NRXN3: variants seen among roughly 807,000 people sequenced by gnomAD.
NRXN3 encodes neurexin 3.
A neutral mutation model predicts 137.6 loss-of-function variants in NRXN3; 32 were observed. The ratio of observed to expected loss-of-function variants is 0.23; its 90% CI spans 0.18 to 0.31. The LOEUF (loss-of-function observed/expected upper bound fraction) is 0.31, where lower values mean the gene tolerates loss of function less well. Among genes scored for constraint, NRXN3 ranks in the 10% least tolerant of loss-of-function variants. The pLI, the probability that NRXN3 is intolerant of heterozygous loss-of-function variation, is 1.00. For missense variants in NRXN3, 1,574 were observed against 2,062.5 expected (o/e 0.76, Z 4.59); for synonymous variants, 798 against 784.5 (o/e 1.02, Z -0.29).
At chr14:79,769,038 A>G (rs1233546161) in intron 19 of NRXN3, among the ~76,000 whole-genome samples, 1 of 152,088 alleles carries the variant, frequency 6.6e-6, no homozygotes, top group African/African-American at 2.4e-5. Context: ...GGAAGATGAA[A>G]TGAATGAAAT....
chr14:78,632,299 G>C (rs563487223), intron 4 of NRXN3, among the ~76,000 whole-genome samples: 1 of 152,000 alleles, frequency 6.6e-6, no homozygotes, highest in Non-Finnish European at 1.5e-5. Flanking sequence ...ATCTAGCCTT[G>C]TTGAGCAGAT....
chr14:78,875,726 T>C (rs2099112497), intron 10 of NRXN3, among the ~76,000 whole-genome samples: 1 of 152,236 alleles, frequency 6.6e-6, no homozygotes, highest in Non-Finnish European at 1.5e-5. Context: ...TCAACCCAGT[T>C]ATATCTGTGA....
intron 15 of NRXN3, among the ~76,000 whole-genome samples, chr14:79,128,183 A>G (rs1384704341): frequency 4.5e-5 from 5 of 111,980 alleles, no homozygotes; most frequent in South Asian, 3.5e-4. Flanking sequence ...TCTCCTGCCT[A>G]ATTGCCCTGG....
At chr14:79,768,468 G>GACCCCCGAGCAGCCTAACTGGGAGGC (rs1287336237) in intron 19 of NRXN3, among the ~76,000 whole-genome samples, 6 of 152,178 alleles carry the variant, frequency 3.9e-5, no homozygotes, top group Non-Finnish European at 1.5e-5. Context: ...CCTGACCCCT[G>GACCCCCGAGCAGCCTAACTGGGAGGC]ACCCCCGAGC....
chr14:78,878,196 T>C (rs577992500), intron 10 of NRXN3, among the ~76,000 whole-genome samples: 5 of 152,292 alleles, frequency 3.3e-5, no homozygotes, highest in Admixed American at 6.5e-5. Flanking sequence ...GGGCATGTCG[T>C]ACTCAGTTAT....
At chr14:79,424,176 CACAT>C (rs1254171015) in intron 15 of NRXN3, among the ~76,000 whole-genome samples, 1 of 152,160 alleles carries the variant, frequency 6.6e-6, no homozygotes, top group Non-Finnish European at 1.5e-5. Context: ...AACACAGACA[CACAT>C]ACAGAGACTA....
At chr14:79,574,670 G>A (rs1333373968) in intron 16 of NRXN3, among the ~76,000 whole-genome samples, 1 of 151,906 alleles carries the variant, frequency 6.6e-6, no homozygotes, top group Non-Finnish European at 1.5e-5. Context: ...TGGACTGGGG[G>A]GTTTGGGGAA....
At chr14:78,706,040 T>A (rs2098343995) in intron 6 of NRXN3, among the ~76,000 whole-genome samples, 1 of 152,196 alleles carries the variant, frequency 6.6e-6, no homozygotes, top group Non-Finnish European at 1.5e-5. Flanking sequence ...AAAGGCTTTT[T>A]TTTCCCTCCT....
At chr14:78,559,952 G>T (rs2152262864) in intron 4 of NRXN3, among the ~76,000 whole-genome samples, 1 of 152,326 alleles carries the variant, frequency 6.6e-6, no homozygotes, top group African/African-American at 2.4e-5. Context: ...CTTTTGGATT[G>T]TAAATTGCAT....
chr14:79,805,273 G>A, intron 20 of NRXN3, 83 bp downstream of exon 20: 1 of 916,188 alleles, frequency 1.1e-6, no homozygotes, highest in South Asian at 1.4e-5. Context: ...TTATACATGT[G>A]TTTTATATAT....
chr14:79,196,774 T>C (rs1213204149), intron 15 of NRXN3, among the ~76,000 whole-genome samples: 1 of 152,228 alleles, frequency 6.6e-6, no homozygotes, highest in Admixed American at 6.5e-5. Context: ...AGGTATATTG[T>C]GCAGCTCAAA....
intron 15 of NRXN3, among the ~76,000 whole-genome samples, chr14:79,358,821 A>G (rs1424454018): frequency 1.3e-5 from 2 of 152,090 alleles, no homozygotes; most frequent in Non-Finnish European, 2.9e-5. Context: ...CCAAACCACT[A>G]CTAACTCTCC....
intron 15 of NRXN3, among the ~76,000 whole-genome samples, chr14:79,465,336 C>G (rs991829111): frequency 2.0e-5 from 3 of 152,154 alleles, no homozygotes; most frequent in Admixed American, 6.5e-5. Flanking sequence ...ACTTTGCATA[C>G]CACAATTCCA....
intron 20 of NRXN3, among the ~76,000 whole-genome samples, chr14:79,857,952 G>T (rs551929929): frequency 1.3e-5 from 2 of 152,018 alleles, no homozygotes; most frequent in African/African-American, 4.8e-5. Context: ...TAACAAAATG[G>T]CAAAGAAAAC....
intron 4 of NRXN3, among the ~76,000 whole-genome samples, chr14:78,333,310 G>A (rs213999): frequency 0.28 from 41,948 of 152,078 alleles, 6,906 homozygotes; most frequent in Admixed American, 0.44. Flanking sequence ...AGGGATTTGT[G>A]CTGTGACTTC....
At chr14:78,652,426 G>A (rs553136890) in intron 6 of NRXN3, among the ~76,000 whole-genome samples, 1 of 152,304 alleles carries the variant, frequency 6.6e-6, no homozygotes, top group African/African-American at 2.4e-5. Flanking sequence ...GACTAAATTT[G>A]GTAGAGCTCT....
At chr14:79,031,456 G>A (rs533836681) in intron 15 of NRXN3, among the ~76,000 whole-genome samples, 1 of 152,188 alleles carries the variant, frequency 6.6e-6, no homozygotes, top group East Asian at 1.9e-4. Context: ...TTGGGAATAA[G>A]AAACTATAAG....
intron 4 of NRXN3, among the ~76,000 whole-genome samples, chr14:78,390,928 C>G (rs1477291339): frequency 6.6e-6 from 1 of 152,156 alleles, no homozygotes; most frequent in African/African-American, 2.4e-5. Context: ...CCCTAATGCT[C>G]TCCCCACCTC....
At chr14:78,920,995 T>C (rs771814429) in intron 10 of NRXN3, among the ~76,000 whole-genome samples, 4 of 152,210 alleles carry the variant, frequency 2.6e-5, no homozygotes, top group Non-Finnish European at 5.9e-5. Context: ...ACATTGCCCA[T>C]TGGTGATTGA....
Sources: gnomAD v4.1 joint callset for allele counts (sites outside exome capture counted in the v4.1 genomes callset) on GRCh38, gnomAD v4.1.1 for gene constraint, MANE v1.5 for transcripts, NCBI Gene and HGNC (gene_info 2026-07-23, HGNC 2026-07-21) for gene names.